The following SYNRG variants were observed in gnomAD, a reference collection of about 807,000 sequenced individuals.
SYNRG encodes the protein synergin gamma, also known as AP1 gamma subunit binding protein 1.
A neutral mutation model predicts 130.9 loss-of-function variants in SYNRG; 37 were observed. That is an observed-to-expected ratio of 0.28 (90% CI 0.22 to 0.37). SYNRG has a LOEUF of 0.37. SYNRG is among the 10% of genes least tolerant of loss of function. SYNRG has a pLI of 1.00. For synonymous variants in SYNRG, 539 were observed against 568.1 expected (o/e 0.95, Z 0.73); for missense variants, 1,338 against 1,588.9 (o/e 0.84, Z 2.68).
chr17:37,594,744 G>A (rs2062607431), intron 3 of SYNRG, among the ~76,000 whole-genome samples: 2 of 152,202 alleles, frequency 1.3e-5, no homozygotes, highest in Non-Finnish European at 2.9e-5. Flanking sequence ...ACAGGTGTGA[G>A]CCACTGCTCC....
At chr17:37,597,560 A>C (rs966254338) in intron 2 of SYNRG, among the ~76,000 whole-genome samples, 2 of 152,246 alleles carry the variant, frequency 1.3e-5, no homozygotes, top group Non-Finnish European at 2.9e-5. Flanking sequence ...ATGCTCAAAG[A>C]AATGTTATTC....
At position 37,515,238 on chromosome 17, in the gene SYNRG, A is replaced by C. The variant is rs1248835953; in HGVS notation, c.*3702T>G. 6.6e-6 allele frequency: 1 copy of C among 152,076 alleles called. No homozygotes were observed. The highest frequency in any genetic ancestry group is 1.5e-5 in the Non-Finnish European group (1 of 67,996). The allele number at this position is 152,076 out of a possible 1,614,324, so 9.4% of individuals were successfully genotyped here. A position where few individuals can be genotyped will look rare whatever the true frequency, so the allele number is the denominator to read the frequency against. On this transcript the variant is annotated 3_prime_UTR_variant, in exon 22 of 22. Transcript: ENST00000612223. ...TTTATTTCCTCGGCCTGGCAAGGGG[A>C]GGGCTTTTCAGTATTGTTATTTGGT...
rs577416999 is a variant in SYNRG, at chr17:37,515,258, T to C, written c.*3682A>G. 2 of 152,332 alleles carry C rather than the reference T, an allele frequency of 1.3e-5. No individual in the cohort carries two copies. The highest frequency in any genetic ancestry group is 2.1e-4 in the South Asian group (1 of 4,826). 9.4% of individuals were successfully genotyped at this position (152,332 alleles called of 1,614,324 possible). A position where few individuals can be genotyped will look rare whatever the true frequency, so the allele number is the denominator to read the frequency against. The stretch of plus-strand genomic sequence containing the variant: ...AGGGGAGGGCTTTTCAGTATTGTTA[T>C]TTGGTACACACTTACCTGAAGAAAT... On this transcript the variant is annotated 3_prime_UTR_variant, in exon 22 of 22. Transcript: ENST00000612223.
chr17:37,581,991 G>A (rs1159213319), intron 6 of SYNRG, among the ~76,000 whole-genome samples: 4 of 151,974 alleles, frequency 2.6e-5, no homozygotes, highest in South Asian at 2.1e-4. Context: ...TTGAACTCCC[G>A]ACCTCAGGTG....
chr17:37,594,431 T>C (rs2062558873), intron 3 of SYNRG, among the ~76,000 whole-genome samples: 1 of 150,014 alleles, frequency 6.7e-6, no homozygotes, highest in African/African-American at 2.4e-5. Flanking sequence ...CTATGGTAGA[T>C]TGTTTTTAGT....
intron 1 of SYNRG, among the ~76,000 whole-genome samples, chr17:37,607,955 C>CAAAAAAAAAAAAAAAAAAA: frequency 2.0e-5 from 1 of 51,118 alleles, no homozygotes; most frequent in Non-Finnish European, 4.4e-5. Flanking sequence ...GACTTCCTCT[C>CAAAAAAAAAAAAAAAAAAA]AAAAAAAAAA....
chr17:37,586,543 T>C lies in SYNRG; in HGVS notation c.247A>G (p.Ile83Val). Residue 83 changes from isoleucine to valine, a missense_variant, in exon 4 of 22, where the codon ATA becomes GTA. By Grantham distance (29) the Ile-to-Val change is conservative. Transcript: ENST00000612223. ...SQGPIAMQAGIPMGPMPAAGM... is the reference protein window; with the variant it reads ...SQGPIAMQAGVPMGPMPAAGM... ...GCTGCTGGCATTGGTCCCATTGGTATTCCTGCCTAGAAGAAACAGACAAAG... is the reference window on the plus strand; with the variant it reads ...GCTGCTGGCATTGGTCCCATTGGTACTCCTGCCTAGAAGAAACAGACAAAG... The C allele has an allele frequency of 2.5e-6, 4 of 1,614,106 alleles. No individual in the cohort carries two copies. Among genetic ancestry groups the C allele is most frequent in the Non-Finnish European group, 3.4e-6 (4 of 1,180,000 alleles).
rs1276274887 is a variant in SYNRG, at chr17:37,520,162, G to C, written c.3813+17C>G. On this transcript the variant is annotated intron_variant, in intron 21 of 21. Coordinates refer to ENST00000612223, the MANE Select transcript of SYNRG (RefSeq NM_007247.6). ...ATTAAAATGGAGACGCTAAGATAAG[G>C]TGTAACTGGTTCATACTTTTTTAGG... 1 of 1,613,960 alleles carries C rather than the reference G, an allele frequency of 6.2e-7. No homozygotes were observed. Among genetic ancestry groups the C allele is most frequent in the Non-Finnish European group, 8.5e-7 (1 of 1,179,976 alleles).
At chr17:37,564,604 T>G (rs2059783064) in intron 11 of SYNRG, among the ~76,000 whole-genome samples, 1 of 152,238 alleles carries the variant, frequency 6.6e-6, no homozygotes, top group Non-Finnish European at 1.5e-5. Flanking sequence ...CCCGGTCTAC[T>G]CCTAAAACCT....
At chr17:37,588,179 A>G (rs1490864373) in intron 3 of SYNRG, among the ~76,000 whole-genome samples, 9 of 152,144 alleles carry the variant, frequency 5.9e-5, no homozygotes. Flanking sequence ...ATTAGAATCA[A>G]CTAATCGACT....
chr17:37,574,490 G>A lies in SYNRG; in HGVS notation c.901+1851C>T, dbSNP rs546145502. 6.6e-5 allele frequency among the ~76,000 whole-genome samples: 10 copies of A among 152,274 alleles called. No homozygotes were observed. In the South Asian group the frequency reaches 2.1e-3, roughly 32 times the overall value. On this transcript the variant is annotated intron_variant, in intron 8 of 21. Transcript: ENST00000612223. The stretch of plus-strand genomic sequence containing the variant: ...ACCCACAGAACGGGAGAAAATATCT[G>A]CAAACTATCCATCTCACAAGGGATT...
intron 21 of SYNRG, 33 bp downstream of exon 21, chr17:37,520,146 G>A: frequency 6.2e-7 from 1 of 1,613,620 alleles, no homozygotes. Flanking sequence ...AATTAAAATG[G>A]AGACGCTAAG....
chr17:37,520,220 A>G lies in SYNRG; in HGVS notation c.3778-6T>C, dbSNP rs1170283193. ...TCTGCAGGCTTCTCTTCTTTCTGAA[A>G]TAACGTTGAAACCACAGGTCAACAA... On this transcript the variant is annotated splice_polypyrimidine_tract_variant and splice_region_variant and intron_variant, in intron 20 of 21. Coordinates refer to ENST00000612223, the MANE Select transcript of SYNRG (RefSeq NM_007247.6). 3 of 1,614,214 alleles carry G rather than the reference A, an allele frequency of 1.9e-6. No individual in the cohort carries two copies. The highest frequency in any genetic ancestry group is 2.2e-5 in the East Asian group (1 of 44,882).
Position 37,609,344 on chromosome 17 carries a change from C to A in SYNRG, c.12G>T (p.Arg4=). The A allele has an allele frequency of 6.9e-7, 1 of 1,458,458 alleles. No individual in the cohort carries two copies. The highest frequency in any genetic ancestry group is 9.0e-7 in the Non-Finnish European group (1 of 1,111,874). The allele number at this position is 1,458,458 out of a possible 1,614,324, so 90.3% of individuals were successfully genotyped here. ...CGCCGCCACCAGAACCAGCTCCTGG[C>A]CGCAGCGCCATCTTGCTCCCGACCT... MAL[R]PGAGSGGGGA... Residue 4 remains arginine, a synonymous_variant, in exon 1 of 22, where the codon CGG becomes CGT. Coordinates refer to ENST00000612223, the MANE Select transcript of SYNRG (RefSeq NM_007247.6).
At chr17:37,541,355 A>G in intron 15 of SYNRG, 1 of 642,872 alleles carries the variant, frequency 1.6e-6, no homozygotes, top group Non-Finnish European at 1.9e-6. Flanking sequence ...TGAGACAGGA[A>G]GCGGTGGGGA....
chr17:37,520,048 G>A, intron 21 of SYNRG, 131 bp downstream of exon 21: 1 of 992,914 alleles, frequency 1.0e-6, no homozygotes, highest in East Asian at 2.5e-5. Flanking sequence ...AACATTATGG[G>A]AACAAAACTG....
Position 37,516,712 on chromosome 17 carries a change from G to A in SYNRG, c.*2228C>T, listed in dbSNP as rs896215276. ...AGTGTCTCGCTCTGTCATCACCTAC[G>A]CTGTCACGTGCAGCCTCAAACTCCT... On this transcript the variant is annotated 3_prime_UTR_variant, in exon 22 of 22. Transcript: ENST00000612223. 1 of 146,874 alleles carries A rather than the reference G, an allele frequency of 6.8e-6. No homozygotes were observed. Among genetic ancestry groups the A allele is most frequent in the African/African-American group, 2.5e-5 (1 of 39,404 alleles). 9.1% of individuals were successfully genotyped at this position (146,874 alleles called of 1,614,324 possible).
At chr17:37,600,429 T>C (rs1201686248) in intron 1 of SYNRG, 26 bp from the exon 2 acceptor site, 1 of 1,610,706 alleles carries the variant, frequency 6.2e-7, no homozygotes, top group African/African-American at 1.3e-5. Context: ...AAATACATTA[T>C]AATCTTCGTA....
chr17:37,591,740 C>T, intron 3 of SYNRG, among the ~76,000 whole-genome samples: 1 of 152,176 alleles, frequency 6.6e-6, no homozygotes, highest in Non-Finnish European at 1.5e-5. Context: ...GGGGCAATCA[C>T]ACTTGCATAG....
Sources: allele counts gnomAD v4.1 joint callset (sites outside exome capture counted in the v4.1 genomes callset), GRCh38; gene constraint gnomAD v4.1.1; transcripts MANE v1.5; gene names NCBI Gene and HGNC (gene_info 2026-07-23, HGNC 2026-07-21).